CIP2A: variants seen among roughly 807,000 people sequenced by gnomAD.
The protein encoded by CIP2A is cellular inhibitor of PP2A.
Under a neutral mutation model 110.9 loss-of-function variants are expected in CIP2A, and 103 were observed. That is an observed-to-expected ratio of 0.93 (90% CI 0.79 to 1.09). The LOEUF (loss-of-function observed/expected upper bound fraction) is 1.09, where lower values mean the gene tolerates loss of function less well. Ranked by LOEUF, CIP2A falls within the 50% of genes least tolerant of loss-of-function variation. CIP2A has a pLI of 0.00. For synonymous variants in CIP2A, 381 were observed against 361.6 expected, an observed-to-expected ratio of 1.05 and a Z score of -0.61; for missense variants, 1,088 against 1,038.4, an observed-to-expected ratio of 1.05 and a Z score of -0.66.
intron 1 of CIP2A, chr3:108,585,724 G>T (rs1364374216): frequency 2.2e-6 from 1 of 456,416 alleles, no homozygotes; most frequent in Non-Finnish European, 4.4e-6. Context: ...TATTCCTTCT[G>T]CTTCTTCCCA....
chr3:108,588,531 AC>A (rs547411958), intron 1 of CIP2A, among the ~76,000 whole-genome samples: 191 of 152,274 alleles, frequency 1.3e-3, no homozygotes, highest in African/African-American at 4.3e-3. Flanking sequence ...GTTCAATTCT[AC>A]CTTAACAGAG....
rs1046968116 is a variant in CIP2A at position 108,584,850 on chromosome 3, C to A, written c.250+215G>T. 2.3e-5 allele frequency: 9 copies of A among 390,262 alleles called. No homozygotes were observed. The South Asian group carries it at 7.5e-4, about 32-fold the overall frequency. The allele number at this position is 390,262 out of a possible 1,614,324, so 24.2% of individuals were successfully genotyped here. Reference sequence around the variant, plus strand: ...GAAAAAGCAACATCAGTACTTTTACCCTTTAGTTCTAAATTCAGTGTAATC... The same window carrying A: ...GAAAAAGCAACATCAGTACTTTTACACTTTAGTTCTAAATTCAGTGTAATC... On this transcript the variant is annotated intron_variant, in intron 2 of 20. Transcript: ENST00000295746.
At chr3:108,569,169 T>TATATATATAC (rs1938289216) in intron 9 of CIP2A, among the ~76,000 whole-genome samples, 1 of 59,182 alleles carries the variant, frequency 1.7e-5, no homozygotes, top group Non-Finnish European at 3.3e-5. Flanking sequence ...AAATGAGCAC[T>TATATATATAC]ATATATATAT....
At chr3:108,553,116 C>CTTTTTTT (rs1559687188) in intron 19 of CIP2A, among the ~76,000 whole-genome samples, 8 of 131,104 alleles carry the variant, frequency 6.1e-5, no homozygotes, top group African/African-American at 8.7e-5. Flanking sequence ...CATCTCTTTC[C>CTTTTTTT]TTTTGTTTTT....
Position 108,553,912 on chromosome 3 carries a change from A to C in CIP2A, c.2325-182T>G, listed in dbSNP as rs1247983088. 1.8e-3 allele frequency among the ~76,000 whole-genome samples: 237 copies of C among 134,122 alleles called. 15 individuals are homozygous for C. Among genetic ancestry groups the C allele is most frequent in the Non-Finnish European group, 2.8e-3 (167 of 59,708 alleles). The allele number at this position is 134,122 out of a possible 152,430, so 88.0% of individuals were successfully genotyped here. A position where few individuals can be genotyped will look rare whatever the true frequency, so the allele number is the denominator to read the frequency against. On this transcript the variant is annotated intron_variant, in intron 18 of 20. Coordinates refer to ENST00000295746, the MANE Select transcript of CIP2A (RefSeq NM_020890.3). Reference sequence around the variant, plus strand: ...CTAAAAATATAAAAAAAAAAAAAAAAAAAAAAAGGTCTCGTTCTGTCACCC... The same window carrying C: ...CTAAAAATATAAAAAAAAAAAAAAACAAAAAAAGGTCTCGTTCTGTCACCC...
intron 8 of CIP2A, among the ~76,000 whole-genome samples, chr3:108,572,615 C>A (rs1357151904): frequency 6.6e-6 from 1 of 151,964 alleles, no homozygotes; most frequent in Non-Finnish European, 1.5e-5. Context: ...TTAATAGCAT[C>A]ATTTAAAAAC....
intron 13 of CIP2A, among the ~76,000 whole-genome samples, chr3:108,562,749 G>A (rs1938049401): frequency 6.6e-6 from 1 of 151,876 alleles, no homozygotes; most frequent in South Asian, 2.1e-4. Context: ...GATAACCCAG[G>A]CCTGGTCAAT....
At chr3:108,574,952 T>C (rs947720242) in intron 8 of CIP2A, 1 of 152,354 alleles carries the variant, frequency 6.6e-6, no homozygotes, top group Non-Finnish European at 1.5e-5. Context: ...AAATTTAATG[T>C]GGATAAATGT....
intron 10 of CIP2A, among the ~76,000 whole-genome samples, chr3:108,566,964 T>C (rs1204836763): frequency 6.6e-6 from 1 of 151,870 alleles, no homozygotes; most frequent in Non-Finnish European, 1.5e-5. Flanking sequence ...GTCATATTTG[T>C]ATATTATAAA....
Position 108,552,367 on chromosome 3 carries a change from T to C in CIP2A, c.2414A>G (p.His805Arg). Residue 805 changes from histidine to arginine, a missense_variant, in exon 20 of 21, where the codon CAT (histidine) becomes CGT (arginine). Coordinates refer to ENST00000295746, the MANE Select transcript of CIP2A (RefSeq NM_020890.3). Reference sequence around the variant, plus strand: ...TTCTTCTTGTACTTTTGTTTTTTGATGCAAATCTTAAAAGAAAAAAAAGTC... The same window carrying C: ...TTCTTCTTGTACTTTTGTTTTTTGACGCAAATCTTAAAAGAAAAAAAAGTC... ...VDREHKLANL[H>R]QKTKVQEEKI... 2 of 1,524,274 alleles carry C rather than the reference T, an allele frequency of 1.3e-6. No homozygotes were observed. The highest frequency in any genetic ancestry group is 1.8e-6 in the Non-Finnish European group (2 of 1,131,236). The allele number at this position is 1,524,274 out of a possible 1,614,324, so 94.4% of individuals were successfully genotyped here.
chr3:108,585,901 T>TAC, intron 1 of CIP2A: 1 of 390,834 alleles, frequency 2.6e-6, no homozygotes, highest in African/African-American at 2.2e-5. Context: ...CACAGACACA[T>TAC]ACATACACAC....
intron 8 of CIP2A, chr3:108,574,684 A>C (rs1938507143): frequency 6.6e-6 from 1 of 152,372 alleles, no homozygotes; most frequent in African/African-American, 2.4e-5. Context: ...GGCCTAAGAA[A>C]CCTGAGAGAC....
intron 1 of CIP2A, 73 bp downstream of exon 1, chr3:108,589,201 A>T: frequency 9.0e-7 from 1 of 1,116,238 alleles, no homozygotes; most frequent in Non-Finnish European, 1.3e-6. Flanking sequence ...TGGGGCCGCC[A>T]CTCCTCGGCC....
At chr3:108,583,162 T>C (rs1355906910) in intron 2 of CIP2A, 79 bp from the exon 3 acceptor site, 4 of 667,758 alleles carry the variant, frequency 6.0e-6, no homozygotes, top group Admixed American at 7.1e-5. Context: ...ATTTATTTCA[T>C]ATGAATTTAT....
rs1326264994 is a variant in CIP2A at position 108,585,209 on chromosome 3, T to C, written c.106A>G (p.Ile36Val). The change falls in exon 2 of 21, where the codon ATT (isoleucine) becomes GTT (valine). Residue 36 changes from isoleucine (I) to valine (V), a missense_variant. Coordinates refer to ENST00000295746, the MANE Select transcript of CIP2A (RefSeq NM_020890.3). ...AGTCGTGTGAGTTTCTGTCCAGAAA[T>C]TACCTATAAAATAGTAATCAAAATG... ...ATQLLRHLEVISGQKLTRLFT... is the reference protein window; with the variant it reads ...ATQLLRHLEVVSGQKLTRLFT... The C allele has an allele frequency of 6.2e-7, 1 of 1,604,618 alleles. No homozygotes were observed. Among genetic ancestry groups the C allele is most frequent in the East Asian group, 2.2e-5 (1 of 44,668 alleles).
At chr3:108,564,625 T>C (rs1294669698) in intron 12 of CIP2A, among the ~76,000 whole-genome samples, 3 of 151,924 alleles carry the variant, frequency 2.0e-5, no homozygotes, top group Non-Finnish European at 2.9e-5. Context: ...CCTGAGTTAG[T>C]ATAATAAGGA....
rs1431819508 is a variant in CIP2A at position 108,559,955 on chromosome 3, G to C, written c.1901C>G (p.Ala634Gly). The change falls in exon 15 of 21, where the codon GCT becomes GGT. Residue 634 changes from alanine to glycine, a missense_variant and splice_region_variant. Ala to Gly is a moderately conservative substitution (Grantham distance 60, BLOSUM62 0). Transcript: ENST00000295746. The stretch of plus-strand genomic sequence containing the variant: ...TTGTTAAAATAAGCTTATACTCACA[G>C]CTAATGTGGATAGTTTCATTTCATA... The part of the protein sequence containing the change: ...DVYEMKLSTL[A>G]SKESRLQDLL... 1 of 1,592,948 alleles carries C rather than the reference G, an allele frequency of 6.3e-7. No homozygotes were observed. The highest frequency in any genetic ancestry group is 1.3e-5 in the African/African-American group (1 of 74,432).
At position 108,568,251 on chromosome 3, in the gene CIP2A, T is replaced by C; in HGVS notation, c.1177A>G (p.Ile393Val). The change falls in exon 10 of 21, where the codon ATC (isoleucine) becomes GTC (valine). Residue 393 changes from isoleucine to valine, a missense_variant. Coordinates refer to ENST00000295746, the MANE Select transcript of CIP2A (RefSeq NM_020890.3). ...DRFVTLLLPTILDQLQFTEQN... is the reference protein window; with the variant it reads ...DRFVTLLLPTVLDQLQFTEQN... ...TCTGTGAACTGAAGTTGATCAAGGATTGTAGGCAGCAGAAGGGTCACAAAA... is the reference window on the plus strand; with the variant it reads ...TCTGTGAACTGAAGTTGATCAAGGACTGTAGGCAGCAGAAGGGTCACAAAA... 6.2e-7 allele frequency: 1 copy of C among 1,612,338 alleles called. No homozygotes were observed. Among genetic ancestry groups the C allele is most frequent in the Non-Finnish European group, 8.5e-7 (1 of 1,178,824 alleles).
intron 1 of CIP2A, among the ~76,000 whole-genome samples, chr3:108,589,022 T>C (rs541357929): frequency 6.6e-6 from 1 of 152,300 alleles, no homozygotes; most frequent in East Asian, 1.9e-4. Context: ...CGTTACCTAC[T>C]CGAAACAACC....
Sources: gnomAD v4.1 joint callset for allele counts (sites outside exome capture counted in the v4.1 genomes callset) on GRCh38, gnomAD v4.1.1 for gene constraint, MANE v1.5 for transcripts, NCBI Gene and HGNC (gene_info 2026-07-23, HGNC 2026-07-21) for gene names.